The following PMP22 variants were observed in gnomAD, a reference collection of about 807,000 sequenced individuals.
PMP22 encodes the protein Charcot-Marie-Tooth neuropathy 1A (greatly reduced nerve conduction velocity, hereditary motor sensory neuropathy Ia).
Under a neutral mutation model 18.9 loss-of-function variants are expected in PMP22, and 2 were observed. The observed-to-expected ratio is 0.11, with a 90% CI of 0.04 to 0.33. PMP22 has a LOEUF of 0.33. PMP22 is among the 10% of genes least tolerant of loss of function. The pLI is 1.00. For missense variants in PMP22, 169 were observed against 202.2 expected (o/e 0.84, Z 1.00); for synonymous variants, 95 against 89.2 (o/e 1.07, Z -0.37).
intron 1 of PMP22, 73 bp from the exon 2 acceptor site, chr17:15,260,834 C>T (rs1157950726): frequency 1.9e-6 from 2 of 1,049,278 alleles, no homozygotes; most frequent in Non-Finnish European, 1.4e-6. Context: ...GAGGGAGGGT[C>T]CCGCGCACTA....
In PMP22 at chr17:15,231,007, G is replaced by A. The variant is rs1332927424; in HGVS notation, c.393C>T (p.Ser131=). The A allele has an allele frequency of 6.2e-7, 1 of 1,614,028 alleles. No individual in the cohort carries two copies. The highest frequency in any genetic ancestry group is 1.3e-5 in the African/African-American group (1 of 74,928). Reference sequence around the variant, plus strand: ...AGGCCAGGATGTAGGCGAAACCGTAGGAGTAATCCGAGTTGAGATGCCACT... The same window carrying A: ...AGGCCAGGATGTAGGCGAAACCGTAAGAGTAATCCGAGTTGAGATGCCACT... ...HPEWHLNSDY[S]YGFAYILAWV... is the part of the protein sequence containing the mutation. The change falls in exon 5 of 5, where the codon TCC becomes TCT. Residue 131 remains serine (S), a synonymous_variant. Transcript: ENST00000312280.
intron 4 of PMP22, among the ~76,000 whole-genome samples, chr17:15,235,811 G>A (rs767711471): frequency 1.3e-5 from 2 of 151,912 alleles, no homozygotes; most frequent in Admixed American, 1.3e-4. Context: ...GGAGTGCAGT[G>A]GCATGATCTT....
At chr17:15,260,882 C>A in intron 1 of PMP22, 121 bp from the exon 2 acceptor site, 1 of 683,708 alleles carries the variant, frequency 1.5e-6, no homozygotes, top group Non-Finnish European at 2.5e-6. Flanking sequence ...CGCAGCCCGA[C>A]CGCCCGCGCG....
chr17:15,264,717 T>A (rs1909595204), intron 1 of PMP22, among the ~76,000 whole-genome samples: 1 of 152,088 alleles, frequency 6.6e-6, no homozygotes, highest in African/African-American at 2.4e-5. Flanking sequence ...TCCTGCCTGG[T>A]TCTCAATGGT....
rs3028206 is a variant in PMP22 at position 15,263,583 on chromosome 17, GCACACACA to G, written c.-35+1563_-35+1570del. ...AATGCAGCAGTTCACGCACGCGCGCGCACACACACACACACACACACTTCCCTACCTCT... is the reference window on the plus strand; with the variant it reads ...AATGCAGCAGTTCACGCACGCGCGCGCACACACACACACTTCCCTACCTCT... On this transcript the variant is annotated intron_variant, in intron 1 of 4. Coordinates refer to ENST00000312280, the MANE Select transcript of PMP22 (RefSeq NM_000304.4). Among the ~76,000 whole-genome samples, 1,307 of 150,040 alleles carry G rather than the reference GCACACACA, an allele frequency of 8.7e-3. 19 individuals are homozygous for G. The highest frequency in any genetic ancestry group is 0.03 in the African/African-American group (1,224 of 40,834).
intron 3 of PMP22, among the ~76,000 whole-genome samples, chr17:15,256,411 G>T (rs1264000218): frequency 2.0e-5 from 3 of 152,168 alleles, no homozygotes; most frequent in African/African-American, 7.2e-5. Flanking sequence ...GGGAGGTGAG[G>T]TGGGTGGATC....
chr17:15,245,237 G>C (rs1907703079), intron 3 of PMP22, among the ~76,000 whole-genome samples: 1 of 152,222 alleles, frequency 6.6e-6, no homozygotes, highest in Admixed American at 6.5e-5. Flanking sequence ...AGATGATGCT[G>C]CTCCCCAATC....
chr17:15,256,681 AT>A (rs1052644683), intron 3 of PMP22, among the ~76,000 whole-genome samples: 37 of 148,004 alleles, frequency 2.5e-4, no homozygotes, highest in East Asian at 3.9e-4. Flanking sequence ...CTTAACAAGT[AT>A]TTTTTTTCAA....
intron 3 of PMP22, among the ~76,000 whole-genome samples, chr17:15,254,671 A>T (rs1908664777): frequency 6.6e-6 from 1 of 152,116 alleles, no homozygotes; most frequent in South Asian, 2.1e-4. Context: ...AAATAATAAT[A>T]AGATGGCCAG....
At chr17:15,244,342 T>C (rs1275702439) in intron 3 of PMP22, among the ~76,000 whole-genome samples, 1 of 152,186 alleles carries the variant, frequency 6.6e-6, no homozygotes, top group African/African-American at 2.4e-5. Flanking sequence ...ATTATTATTA[T>C]AATCCTTTTG....
intron 3 of PMP22, among the ~76,000 whole-genome samples, chr17:15,244,011 C>T (rs1907575861): frequency 6.6e-6 from 1 of 151,818 alleles, no homozygotes; most frequent in Non-Finnish European, 1.5e-5. Flanking sequence ...ATAGTGTTGG[C>T]TATTCATTTG....
At position 15,260,664 on chromosome 17, in the gene PMP22, A is replaced by C; in HGVS notation, c.64T>G (p.Ser22Ala). ...HVAVLVLLFV[S>A]TIVSQWIVGN... ...CAGGCACTCACGCTGACGATCGTGGAGACGAACAGCAGCACCAGCACCGCG... is the reference window on the plus strand; with the variant it reads ...CAGGCACTCACGCTGACGATCGTGGCGACGAACAGCAGCACCAGCACCGCG... The change falls in exon 2 of 5, where the codon TCC becomes GCC. Residue 22 changes from serine (S) to alanine (A), a missense_variant. Coordinates refer to ENST00000312280, the MANE Select transcript of PMP22 (RefSeq NM_000304.4). 6.4e-7 allele frequency: 1 copy of C among 1,552,550 alleles called. No individual in the cohort carries two copies. The highest frequency in any genetic ancestry group is 8.7e-7 in the Non-Finnish European group (1 of 1,147,398).
At chr17:15,246,498 A>G (rs1032075755) in intron 3 of PMP22, among the ~76,000 whole-genome samples, 1 of 152,270 alleles carries the variant, frequency 6.6e-6, no homozygotes. Flanking sequence ...AAATGCTGTC[A>G]ATTACAAACC....
chr17:15,231,130 GGCCCCCTCTCC>G (rs1422913053), intron 4 of PMP22, 50 bp from the exon 5 acceptor site: 2 of 1,588,672 alleles, frequency 1.3e-6, no homozygotes, highest in Non-Finnish European at 1.7e-6. Context: ...ATGGCAGAGC[GGCCCCCTCTCC>G]GCCACCCCGG....
chr17:15,244,381 TAG>T (rs1039057424), intron 3 of PMP22, among the ~76,000 whole-genome samples: 1 of 152,166 alleles, frequency 6.6e-6, no homozygotes, highest in African/African-American at 2.4e-5. Flanking sequence ...CAGAATATAT[TAG>T]GTTGATACAA....
intron 3 of PMP22, among the ~76,000 whole-genome samples, chr17:15,252,985 G>A (rs1348474887): frequency 6.6e-6 from 1 of 152,234 alleles, no homozygotes; most frequent in Non-Finnish European, 1.5e-5. Context: ...GGGAATGCTT[G>A]TGAGAACTTG....
At chr17:15,247,088 G>A (rs1295363494) in intron 3 of PMP22, among the ~76,000 whole-genome samples, 1 of 111,592 alleles carries the variant, frequency 9.0e-6, no homozygotes, top group African/African-American at 3.6e-5. Flanking sequence ...AAAAAAAAAA[G>A]GCCGGGCGCC....
At position 15,229,834 on chromosome 17, in the gene PMP22, T is replaced by C. The variant is rs2150663133; in HGVS notation, c.*1083A>G. On this transcript the variant is annotated 3_prime_UTR_variant, in exon 5 of 5. Transcript: ENST00000312280. ...CTTAGTCCACACAGTTGGTATAAAA[T>C]CAGAAAATGCAAAGCAAAAACAAAA... is the stretch of plus-strand genomic sequence containing the variant. The C allele has an allele frequency of 6.5e-6, 1 of 152,674 alleles. No homozygotes were observed. Among genetic ancestry groups the C allele is most frequent in the Non-Finnish European group, 1.5e-5 (1 of 68,032 alleles). The allele number at this position is 152,674 out of a possible 1,614,324, so 9.5% of individuals were successfully genotyped here. A position where few individuals can be genotyped will look rare whatever the true frequency, so the allele number is the denominator to read the frequency against.
rs959009646 is a variant in PMP22, at chr17:15,252,105, T to G, written c.178+6989A>C. On this transcript the variant is annotated intron_variant, in intron 3 of 4. Transcript: ENST00000312280. ...GGGTTGGCTGAGGGAGCCACGAAGA[T>G]TTTAAAATGTAAAACATGAACCCAT... 2.0e-5 allele frequency among the ~76,000 whole-genome samples: 3 copies of G among 152,184 alleles called. No homozygotes were observed. In the South Asian group the frequency reaches 6.2e-4, roughly 32 times the overall value.
Sources: allele counts gnomAD v4.1 joint callset (sites outside exome capture counted in the v4.1 genomes callset), GRCh38; gene constraint gnomAD v4.1.1; transcripts MANE v1.5; gene names NCBI Gene and HGNC (gene_info 2026-07-23, HGNC 2026-07-21).